Variants in KIAA1671 observed in about 807,000 individuals in gnomAD.
KIAA1671 encodes KIAA1671, also known as uncharacterized protein KIAA1671.
A neutral mutation model predicts 131.2 loss-of-function variants in KIAA1671; 52 were observed. That is an observed-to-expected ratio of 0.40 (90% CI 0.32 to 0.50). KIAA1671 has a LOEUF of 0.50. KIAA1671 is among the 20% of genes least tolerant of loss of function. KIAA1671 has a pLI of 0.73. For synonymous variants in KIAA1671, 1,003 were observed against 961.6 expected, an observed-to-expected ratio of 1.04 and a Z score of -0.80; for missense variants, 2,360 against 2,364.2, an observed-to-expected ratio of 1.00 and a Z score of 0.04.
intron 1 of KIAA1671, among the ~76,000 whole-genome samples, chr22:24,985,728 GTGTGTGAGTGTGTGTGTGTA>G (rs899487505): frequency 6.6e-6 from 1 of 151,188 alleles, no homozygotes; most frequent in African/African-American, 2.5e-5. Flanking sequence ...GAGAGAGAGA[GTGTGTGAGTGTGTGTGTGTA>G]TGTGTGTGTG....
intron 10 of KIAA1671, 138 bp from the exon 11 acceptor site, chr22:25,184,839 T>C: frequency 1.1e-6 from 1 of 892,480 alleles, no homozygotes; most frequent in Non-Finnish European, 1.8e-6. Flanking sequence ...TCAGCCCCCA[T>C]GTTTCCTGTC....
intron 6 of KIAA1671, among the ~76,000 whole-genome samples, chr22:25,124,780 A>G (rs1344254265): frequency 1.3e-5 from 2 of 152,198 alleles, no homozygotes; most frequent in Non-Finnish European, 2.9e-5. Flanking sequence ...GTTTTGAGAG[A>G]GGGTCTCACT....
intron 1 of KIAA1671, among the ~76,000 whole-genome samples, chr22:24,989,606 G>C (rs952168610): frequency 6.6e-6 from 1 of 152,152 alleles, no homozygotes; most frequent in Admixed American, 6.5e-5. Flanking sequence ...GCTCAGGGGG[G>C]ATGCACTGGC....
chr22:25,135,183 C>T (rs1202821182), intron 6 of KIAA1671, among the ~76,000 whole-genome samples: 2 of 152,068 alleles, frequency 1.3e-5, no homozygotes, highest in South Asian at 2.1e-4. Flanking sequence ...ATGGATTTTG[C>T]GATTTTAGTT....
rs561292671 is a variant in KIAA1671 at position 24,958,975 on chromosome 22, C to T, written c.-208+6203C>T. On this transcript the variant is annotated intron_variant, in intron 1 of 12. Coordinates refer to ENST00000358431, the MANE Select transcript of KIAA1671 (RefSeq NM_001145206.2). ...CAGCCTGAACGATAGAACAAAACTT[C>T]GTATCAAAAAAAAAAAAAAAAAAGA... Among the ~76,000 whole-genome samples the T allele has an allele frequency of 3.0e-4, 35 of 118,544 alleles. No individual in the cohort carries two copies. The East Asian group carries it at 9.1e-3, about 31-fold the overall frequency. 77.8% of individuals were successfully genotyped at this position (118,544 alleles called of 152,430 possible). A position where few individuals can be genotyped will look rare whatever the true frequency, so the allele number is the denominator to read the frequency against.
chr22:25,141,220 ATGTTTT>A (rs1231750922), intron 6 of KIAA1671, among the ~76,000 whole-genome samples: 1 of 151,916 alleles, frequency 6.6e-6, no homozygotes, highest in Non-Finnish European at 1.5e-5. Flanking sequence ...GTGAGATTGC[ATGTTTT>A]TGTTTTTGTT....
chr22:25,143,244 A>G (rs552877381), intron 6 of KIAA1671, among the ~76,000 whole-genome samples: 1 of 152,328 alleles, frequency 6.6e-6, no homozygotes, highest in Admixed American at 6.5e-5. Context: ...CAGCAGACAC[A>G]CAAGAACTCC....
At chr22:25,004,672 C>T (rs567822517) in intron 1 of KIAA1671, among the ~76,000 whole-genome samples, 47 of 152,180 alleles carry the variant, frequency 3.1e-4, no homozygotes, top group South Asian at 1.0e-3. Flanking sequence ...AGAGGCTGGG[C>T]GCGGTGACTC....
chr22:25,045,451 C>T (rs1927171429), intron 5 of KIAA1671, among the ~76,000 whole-genome samples: 1 of 152,202 alleles, frequency 6.6e-6, no homozygotes, highest in African/African-American at 2.4e-5. Context: ...AATGCTCCAG[C>T]CCCAAGTGTT....
At chr22:24,991,915 T>C (rs1923860432) in intron 1 of KIAA1671, among the ~76,000 whole-genome samples, 1 of 151,958 alleles carries the variant, frequency 6.6e-6, no homozygotes, top group African/African-American at 2.4e-5. Flanking sequence ...CTTGTTTGAG[T>C]TGTTATTTCC....
chr22:24,995,965 A>G (rs995433137), intron 1 of KIAA1671, among the ~76,000 whole-genome samples: 1 of 152,118 alleles, frequency 6.6e-6, no homozygotes, highest in African/African-American at 2.4e-5. Context: ...CCCAGCTGCT[A>G]CTCCTGCATG....
At chr22:25,037,784 A>T (rs929012538) in intron 4 of KIAA1671, among the ~76,000 whole-genome samples, 1 of 152,112 alleles carries the variant, frequency 6.6e-6, no homozygotes, top group African/African-American at 2.4e-5. Context: ...TCTTTTGCTT[A>T]GCATAGTATT....
chr22:24,965,321 G>A (rs555899265), intron 1 of KIAA1671, among the ~76,000 whole-genome samples: 2 of 151,680 alleles, frequency 1.3e-5, no homozygotes, highest in South Asian at 4.2e-4. Flanking sequence ...AGGTTGAAGC[G>A]AGAAAATCGC....
rs116785473 is a variant in KIAA1671, at chr22:25,182,411, C to G, written c.5199+588C>G. Among the ~76,000 whole-genome samples, 150 of 151,074 alleles carry G rather than the reference C, an allele frequency of 9.9e-4. 1 individual carries two copies. The highest frequency in any genetic ancestry group is 3.6e-3 in the African/African-American group (147 of 41,188). On this transcript the variant is annotated intron_variant, in intron 10 of 12. Coordinates refer to ENST00000358431, the MANE Select transcript of KIAA1671 (RefSeq NM_001145206.2). The stretch of plus-strand genomic sequence containing the variant: ...CTTCCTTCCTTCCTTTTTTGTCCAT[C>G]CTTTTTTATCCTTCTTTTTTTCCTT...
At chr22:25,073,443 A>G (rs1928934199) in intron 6 of KIAA1671, among the ~76,000 whole-genome samples, 1 of 152,216 alleles carries the variant, frequency 6.6e-6, no homozygotes, top group Admixed American at 6.5e-5. Context: ...GTTTTGGTAT[A>G]TATACATATA....
In KIAA1671 at chr22:25,016,385, C is replaced by T. The variant is rs968028035; in HGVS notation, c.-207-9248C>T. ...ATCTCACAATCCAGAAAGTTGTTCT[C>T]CCTCCGGGGAATGTGTCAGTTGCAG... On this transcript the variant is annotated intron_variant, in intron 1 of 12. Coordinates refer to ENST00000358431, the MANE Select transcript of KIAA1671 (RefSeq NM_001145206.2). Among the ~76,000 whole-genome samples, 4 of 152,186 alleles carry T rather than the reference C, an allele frequency of 2.6e-5. No homozygotes were observed. In the South Asian group the frequency reaches 6.2e-4, roughly 24 times the overall value.
chr22:25,120,940 T>G (rs1296869408), intron 6 of KIAA1671, among the ~76,000 whole-genome samples: 3 of 152,162 alleles, frequency 2.0e-5, no homozygotes, highest in Non-Finnish European at 4.4e-5. Context: ...TTCATCTGGA[T>G]TTCTGAGAGG....
At position 25,032,622 on chromosome 22, in the gene KIAA1671, G is replaced by C. The variant is rs1395648975; in HGVS notation, c.1555G>C (p.Ala519Pro). Residue 519 changes from alanine to proline, a missense_variant, in exon 4 of 13, where the codon GCT (alanine) becomes CCT (proline). This residue lies in a region of KIAA1671 where 1,185 missense variants were observed against 1,126.2 expected (regional missense o/e 1.05). Coordinates refer to ENST00000358431, the MANE Select transcript of KIAA1671 (RefSeq NM_001145206.2). ...TCTCTGTACCAGGTTTTCAAGTTCA[G>C]CTTCCAGCAACGAAGTCAAATATGA... ...ADLTKLFSSS[A>P]SSNEVKYEKS... 1.3e-6 allele frequency: 2 copies of C among 1,545,672 alleles called. No homozygotes were observed. Among genetic ancestry groups the C allele is most frequent in the Admixed American group, 2.0e-5 (1 of 50,922 alleles).
At chr22:25,007,376 C>T (rs936034613) in intron 1 of KIAA1671, among the ~76,000 whole-genome samples, 2 of 151,916 alleles carry the variant, frequency 1.3e-5, no homozygotes, top group South Asian at 2.1e-4. Flanking sequence ...GTCTCAGCTA[C>T]TGGGGAAGCT....
Sources: allele counts gnomAD v4.1 joint callset (sites outside exome capture counted in the v4.1 genomes callset), GRCh38; gene constraint gnomAD v4.1.1; regional missense constraint gnomAD v4.1.1; transcripts MANE v1.5; gene names NCBI Gene and HGNC (gene_info 2026-07-23, HGNC 2026-07-21).